The following EBF2 variants were observed in gnomAD, a reference collection of about 807,000 sequenced individuals.
EBF2 encodes the protein transcription factor COE2.
In EBF2, 21 loss-of-function variants were observed where a neutral mutation model predicts 72.8. That is an observed-to-expected ratio of 0.29 (90% confidence interval 0.20 to 0.42). The LOEUF (loss-of-function observed/expected upper bound fraction) is 0.42. Among genes scored for constraint, EBF2 ranks in the 10% least tolerant of loss-of-function variants. The pLI is 1.00. For synonymous variants in EBF2, 299 were observed against 274.2 expected (o/e 1.09, Z -0.89); for missense variants, 637 against 731.2 (o/e 0.87, Z 1.49).
At chr8:25,969,618 T>C (rs1228394255) in intron 6 of EBF2, among the ~76,000 whole-genome samples, 7 of 152,200 alleles carry the variant, frequency 4.6e-5, no homozygotes, top group Admixed American at 4.6e-4. Context: ...GAGCCCATCT[T>C]AGGGCATAGT....
intron 6 of EBF2, among the ~76,000 whole-genome samples, chr8:25,964,484 G>A (rs1804083879): frequency 1.3e-5 from 2 of 152,172 alleles, no homozygotes; most frequent in East Asian, 1.9e-4. Context: ...GAATGTATGA[G>A]AACAATGTAT....
intron 7 of EBF2, among the ~76,000 whole-genome samples, chr8:25,894,704 A>T (rs1398461976): frequency 6.6e-6 from 1 of 152,222 alleles, no homozygotes; most frequent in East Asian, 1.9e-4. Flanking sequence ...CATCTTAGCT[A>T]AACAAATCAA....
In EBF2 at chr8:25,849,364, C is replaced by CCT. The variant is rs533990600; in HGVS notation, c.1696+1228_1696+1229dup. Among the ~76,000 whole-genome samples the CCT allele has an allele frequency of 9.2e-5, 14 of 152,278 alleles. No individual in the cohort carries two copies. In the South Asian group the frequency reaches 2.7e-3, roughly 29 times the overall value. On this transcript the variant is annotated intron_variant, in intron 15 of 15. Coordinates refer to ENST00000520164, the MANE Select transcript of EBF2 (RefSeq NM_022659.4). ...CTGCTCAGCCACAAGAGGAGACTGACCTCTCACACGTGTCCCAAAAGAATT... is the reference window on the plus strand; with the variant it reads ...CTGCTCAGCCACAAGAGGAGACTGACCTCTCTCACACGTGTCCCAAAAGAATT...
At chr8:26,016,458 C>G (rs1004293204) in intron 6 of EBF2, among the ~76,000 whole-genome samples, 3 of 152,112 alleles carry the variant, frequency 2.0e-5, no homozygotes, top group Non-Finnish European at 4.4e-5. Context: ...CCAACTTGGC[C>G]TCTACTTAGT....
At position 25,843,211 on chromosome 8, in the gene EBF2, C is replaced by G. The variant is rs146105169; in HGVS notation, c.*1398G>C. The G allele has an allele frequency of 1.3e-5, 2 of 152,174 alleles. No homozygotes were observed. Among genetic ancestry groups the G allele is most frequent in the Non-Finnish European group, 2.9e-5 (2 of 68,030 alleles). 9.4% of individuals were successfully genotyped at this position (152,174 alleles called of 1,614,324 possible). A position where few individuals can be genotyped will look rare whatever the true frequency, so the allele number is the denominator to read the frequency against. ...CCAAGAATCTGGTCTTGCCTTTCTT[C>G]GAACATCAGAAGAGGGGATTAGGGC... On this transcript the variant is annotated 3_prime_UTR_variant, in exon 16 of 16. Coordinates refer to ENST00000520164, the MANE Select transcript of EBF2 (RefSeq NM_022659.4).
At chr8:25,930,243 C>G (rs966684507) in intron 6 of EBF2, among the ~76,000 whole-genome samples, 2 of 152,114 alleles carry the variant, frequency 1.3e-5, no homozygotes, top group African/African-American at 4.8e-5. Context: ...AATGAGGACA[C>G]TTGAGGAAGC....
At chr8:26,037,062 G>C (rs1388119414) in intron 5 of EBF2, among the ~76,000 whole-genome samples, 1 of 152,078 alleles carries the variant, frequency 6.6e-6, no homozygotes, top group East Asian at 1.9e-4. Flanking sequence ...GCTTGGTTTG[G>C]TTTATTTTAT....
chr8:26,020,413 C>G (rs886670879), intron 6 of EBF2, among the ~76,000 whole-genome samples: 2 of 152,178 alleles, frequency 1.3e-5, no homozygotes, highest in African/African-American at 4.8e-5. Flanking sequence ...AATGGGACAC[C>G]TACAGTGAAA....
intron 8 of EBF2, 37 bp downstream of exon 8, chr8:25,889,715 T>G (rs747592057): frequency 1.3e-6 from 2 of 1,513,190 alleles, no homozygotes; most frequent in East Asian, 2.3e-5. Context: ...CGTGGAGAAT[T>G]TCATGTGTCT....
At chr8:25,973,530 A>T (rs914954002) in intron 6 of EBF2, among the ~76,000 whole-genome samples, 1 of 152,236 alleles carries the variant, frequency 6.6e-6, no homozygotes, top group African/African-American at 2.4e-5. Flanking sequence ...GATGAAGCAA[A>T]CTTAACTTTT....
chr8:25,940,340 G>A (rs1803648618), intron 6 of EBF2, among the ~76,000 whole-genome samples: 1 of 152,170 alleles, frequency 6.6e-6, no homozygotes, highest in Non-Finnish European at 1.5e-5. Flanking sequence ...AGAAACCAAG[G>A]ACAGGGAGTT....
intron 6 of EBF2, among the ~76,000 whole-genome samples, chr8:25,971,345 AG>A (rs1804186548): frequency 7.8e-6 from 1 of 128,946 alleles, no homozygotes; most frequent in Non-Finnish European, 1.8e-5. Flanking sequence ...TGGGCAACAG[AG>A]TTCAGTCTCA....
rs757643993 is a variant in EBF2, at chr8:25,944,717, CAT to C, written c.552-36164_552-36163del. ...ATTATATTATGTATAATTATATATA[CAT>C]ATGATTATATGTACACAATAACAAT... On this transcript the variant is annotated intron_variant, in intron 6 of 15. Coordinates refer to ENST00000520164, the MANE Select transcript of EBF2 (RefSeq NM_022659.4). Among the ~76,000 whole-genome samples the C allele has an allele frequency of 1.4e-4, 20 of 146,538 alleles. No homozygotes were observed. In the East Asian group the frequency reaches 2.7e-3, roughly 20 times the overall value.
rs973137698 is a variant in EBF2, at chr8:25,951,201, C to T, written c.552-42646G>A. Among the ~76,000 whole-genome samples, 4 of 152,174 alleles carry T rather than the reference C, an allele frequency of 2.6e-5. No homozygotes were observed. In the South Asian group the frequency reaches 6.2e-4, roughly 24 times the overall value. ...CACATGCTGAAATGACACACAACCTCATTTTCATGTATTATTTTTGCAAAT... is the reference window on the plus strand; with the variant it reads ...CACATGCTGAAATGACACACAACCTTATTTTCATGTATTATTTTTGCAAAT... On this transcript the variant is annotated intron_variant, in intron 6 of 15. Coordinates refer to ENST00000520164, the MANE Select transcript of EBF2 (RefSeq NM_022659.4).
chr8:25,911,307 C>A (rs931619814), intron 6 of EBF2, among the ~76,000 whole-genome samples: 1 of 152,234 alleles, frequency 6.6e-6, no homozygotes, highest in South Asian at 2.1e-4. Context: ...ACAATGTTGA[C>A]AACGTGAATA....
chr8:25,875,179 T>A (rs4131261), intron 10 of EBF2, among the ~76,000 whole-genome samples: 1 of 152,112 alleles, frequency 6.6e-6, no homozygotes, highest in Non-Finnish European at 1.5e-5. Flanking sequence ...AGAAGCCCTG[T>A]GCTGGTCCAA....
chr8:25,990,951 T>C (rs900031752), intron 6 of EBF2, among the ~76,000 whole-genome samples: 1 of 152,152 alleles, frequency 6.6e-6, no homozygotes, highest in Non-Finnish European at 1.5e-5. Context: ...TAAAATAAAC[T>C]TCTTTATGCT....
intron 6 of EBF2, among the ~76,000 whole-genome samples, chr8:26,013,514 C>T (rs1218311413): frequency 6.6e-6 from 1 of 152,132 alleles, no homozygotes; most frequent in East Asian, 1.9e-4. Context: ...TCCCTCCATC[C>T]TGCAAAACTC....
chr8:25,858,241 A>G, intron 14 of EBF2, 78 bp downstream of exon 14: 4 of 1,552,506 alleles, frequency 2.6e-6, no homozygotes, highest in Non-Finnish European at 3.5e-6. Context: ...TACAAATGCA[A>G]CTTTCTCCCA....
Sources: allele counts gnomAD v4.1 joint callset (sites outside exome capture counted in the v4.1 genomes callset), GRCh38; gene constraint gnomAD v4.1.1; transcripts MANE v1.5; gene names NCBI Gene and HGNC (gene_info 2026-07-23, HGNC 2026-07-21).